The following THEMIS variants were observed in gnomAD, a reference collection of about 807,000 sequenced individuals.
THEMIS encodes the protein protein THEMIS.
A neutral mutation model predicts 52.6 loss-of-function variants in THEMIS; 37 were observed. That is an observed-to-expected ratio of 0.70 (90% CI 0.54 to 0.93). The LOEUF (loss-of-function observed/expected upper bound fraction) is 0.93, where lower values mean the gene tolerates loss of function less well. Ranked by LOEUF, THEMIS falls within the 40% of genes least tolerant of loss-of-function variation. The pLI is 0.00. For synonymous variants in THEMIS, 292 were observed against 272.7 expected (o/e 1.07, Z -0.70); for missense variants, 808 against 763.1 (o/e 1.06, Z -0.69).
At chr6:127,798,843 T>G (rs527888313) in intron 4 of THEMIS, among the ~76,000 whole-genome samples, 17 of 151,484 alleles carry the variant, frequency 1.1e-4, no homozygotes, top group Non-Finnish European at 2.1e-4. Flanking sequence ...ATACAAAAAA[T>G]TAGCTGGGCG....
Position 127,813,597 on chromosome 6 carries a change from C to T in THEMIS, c.1044G>A (p.Glu348=), listed in dbSNP as rs1353366134. ...YKGKFKRRPR[E]FPTAYDLEIA... ...TCTCTAGGTCATAGGCCGTTGGGAA[C>T]TCCCTCGGTCGCCGCTTGAACTTGC... Residue 348 remains glutamate, a synonymous_variant, in exon 4 of 6, where the codon GAG becomes GAA. Coordinates refer to ENST00000368248, the MANE Select transcript of THEMIS (RefSeq NM_001010923.3). The T allele has an allele frequency of 1.9e-6, 3 of 1,613,984 alleles. No individual in the cohort carries two copies. Among genetic ancestry groups the T allele is most frequent in the South Asian group, 2.2e-5 (2 of 91,082 alleles).
At chr6:127,838,271 A>C (rs1348026331) in intron 2 of THEMIS, among the ~76,000 whole-genome samples, 5 of 152,088 alleles carry the variant, frequency 3.3e-5, no homozygotes, top group Non-Finnish European at 7.4e-5. Flanking sequence ...CTTTGACAAT[A>C]TTTTTCCCAA....
chr6:127,718,708 G>T (rs560733521), intron 5 of THEMIS, among the ~76,000 whole-genome samples: 1 of 152,028 alleles, frequency 6.6e-6, no homozygotes, highest in Non-Finnish European at 1.5e-5. Flanking sequence ...ATTAGTATTA[G>T]AAATTTGGAG....
At chr6:127,738,114 T>A (rs1318456785) in intron 4 of THEMIS, among the ~76,000 whole-genome samples, 1 of 152,034 alleles carries the variant, frequency 6.6e-6, no homozygotes, top group Non-Finnish European at 1.5e-5. Flanking sequence ...AAGGTCTCAT[T>A]CTCTCCCCTC....
rs1339619923 is a variant in THEMIS at position 127,709,769 on chromosome 6, A to T, written c.*216T>A. 1 of 450,246 alleles carries T rather than the reference A, an allele frequency of 2.2e-6. No individual in the cohort carries two copies. The highest frequency in any genetic ancestry group is 3.9e-6 in the Non-Finnish European group (1 of 256,316). 27.9% of individuals were successfully genotyped at this position (450,246 alleles called of 1,614,324 possible). ...AAGAACAACAACACAATGCCTACAG[A>T]TTTAGACACAACAGAATAGACTATA... On this transcript the variant is annotated 3_prime_UTR_variant, in exon 6 of 6. Coordinates refer to ENST00000368248, the MANE Select transcript of THEMIS (RefSeq NM_001010923.3).
intron 1 of THEMIS, among the ~76,000 whole-genome samples, chr6:127,888,449 T>C (rs994101957): frequency 1.3e-5 from 2 of 151,988 alleles, no homozygotes; most frequent in African/African-American, 4.8e-5. Flanking sequence ...AATTATGGGG[T>C]TCCCTATAAA....
intron 4 of THEMIS, among the ~76,000 whole-genome samples, chr6:127,788,104 C>A (rs1583278777): frequency 2.0e-5 from 3 of 152,136 alleles, no homozygotes; most frequent in Admixed American, 2.0e-4. Flanking sequence ...GGCACATTGA[C>A]CCATCCTTTC....
At chr6:127,696,901 T>A in the THEMIS span, among the ~76,000 whole-genome samples, 1 of 152,064 alleles carries the variant, frequency 6.6e-6, no homozygotes, top group Non-Finnish European at 1.5e-5. Context: ...CTTAATTACA[T>A]CTATCCCAAA....
chr6:127,823,485 G>T (rs78417429), intron 3 of THEMIS, among the ~76,000 whole-genome samples: 1 of 151,974 alleles, frequency 6.6e-6, no homozygotes. Flanking sequence ...AAATATACAC[G>T]CATAAACAAT....
At chr6:127,729,140 TTCTCTC>T (rs35400135) in intron 4 of THEMIS, among the ~76,000 whole-genome samples, 1,246 of 104,904 alleles carry the variant, frequency 0.012, 17 homozygotes, top group East Asian at 0.037. Flanking sequence ...TACCAATTTA[TTCTCTC>T]TCTCTCTCTC....
chr6:127,727,322 A>T lies in THEMIS; in HGVS notation c.1759-7499T>A, dbSNP rs527301249. Among the ~76,000 whole-genome samples, 3 of 152,308 alleles carry T rather than the reference A, an allele frequency of 2.0e-5. No homozygotes were observed. The East Asian group carries it at 5.8e-4, about 29-fold the overall frequency. On this transcript the variant is annotated intron_variant, in intron 4 of 5. Transcript: ENST00000368248. ...GGGCAGGAAAATTAATCTTATTTTA[A>T]ATTATGAAAACAGAAATTACAGTGG... is the stretch of plus-strand genomic sequence containing the variant.
downstream of THEMIS, among the ~76,000 whole-genome samples, chr6:127,703,154 T>C (rs1286677261): frequency 6.9e-6 from 1 of 145,844 alleles, no homozygotes; most frequent in Non-Finnish European, 1.5e-5. Flanking sequence ...TTCACGCCAT[T>C]CTCCTGCCTC....
At chr6:127,721,519 A>G (rs1774361688) in intron 4 of THEMIS, among the ~76,000 whole-genome samples, 2 of 152,010 alleles carry the variant, frequency 1.3e-5, no homozygotes, top group Non-Finnish European at 2.9e-5. Context: ...ATATTTCTCA[A>G]TTCCTTTTCT....
At chr6:127,753,161 C>A (rs534432824) in intron 4 of THEMIS, among the ~76,000 whole-genome samples, 23 of 151,992 alleles carry the variant, frequency 1.5e-4, no homozygotes, top group African/African-American at 5.5e-4. Context: ...AAGGAACATA[C>A]CTCAATATAA....
In THEMIS at chr6:127,855,284, T is replaced by C. The variant is rs546802494; in HGVS notation, c.92-96A>G. The C allele has an allele frequency of 4.3e-5, 45 of 1,049,468 alleles. No individual in the cohort carries two copies. The South Asian group carries it at 8.4e-4, about 20-fold the overall frequency. The allele number at this position is 1,049,468 out of a possible 1,614,324, so 65.0% of individuals were successfully genotyped here. ...TTAATATAAAGTGTTTTAATTCAGT[T>C]CCTCTCTTAGCTACCTGCTAAACAG... is the stretch of plus-strand genomic sequence containing the variant. On this transcript the variant is annotated intron_variant, in intron 1 of 5. Transcript: ENST00000368248.
intron 1 of THEMIS, among the ~76,000 whole-genome samples, chr6:127,908,641 C>A (rs1781336373): frequency 1.3e-5 from 2 of 152,098 alleles, no homozygotes; most frequent in Non-Finnish European, 1.5e-5. Context: ...AAAAATGAAG[C>A]CCTTATATTC....
intron 4 of THEMIS, among the ~76,000 whole-genome samples, chr6:127,756,476 T>C (rs373399458): frequency 3.9e-5 from 6 of 152,310 alleles, no homozygotes; most frequent in African/African-American, 1.4e-4. Context: ...AAACGATCAA[T>C]GTAAAAAACC....
intron 1 of THEMIS, among the ~76,000 whole-genome samples, chr6:127,884,691 T>C (rs1403504273): frequency 6.6e-6 from 1 of 152,178 alleles, no homozygotes; most frequent in Admixed American, 6.6e-5. Context: ...CTGAGATGAC[T>C]TTTTGCCTCG....
chr6:127,730,859 A>T (rs538732680), intron 4 of THEMIS, among the ~76,000 whole-genome samples: 1 of 152,342 alleles, frequency 6.6e-6, no homozygotes, highest in South Asian at 2.1e-4. Context: ...ACAGGCACTT[A>T]TCCTGGATGA....
Sources: allele counts gnomAD v4.1 joint callset (sites outside exome capture counted in the v4.1 genomes callset), GRCh38; gene constraint gnomAD v4.1.1; transcripts MANE v1.5; gene names NCBI Gene and HGNC (gene_info 2026-07-23, HGNC 2026-07-21).